RNF169: variants seen among roughly 807,000 people sequenced by gnomAD.
RNF169 encodes the protein ring finger protein 169, also known as E3 ubiquitin-protein ligase RNF169.
RNF169 carries 24 observed loss-of-function variants against 53.9 expected under a neutral mutation model. That is an observed-to-expected ratio of 0.45 (90% CI 0.32 to 0.63). RNF169 has a LOEUF of 0.63. RNF169 is among the 20% of genes least tolerant of loss of function. The probability of loss-of-function intolerance (pLI) is 0.04; values close to 1 mark genes in which losing one functional copy is unlikely to be tolerated. For missense variants in RNF169, 883 were observed against 906.2 expected, an observed-to-expected ratio of 0.97 and a Z score of 0.33; for synonymous variants, 396 against 363.5, an observed-to-expected ratio of 1.09 and a Z score of -1.02.
Position 74,837,069 on chromosome 11 carries a change from T to C in RNF169, c.*339T>C, listed in dbSNP as rs1447442368. 5.4e-6 allele frequency: 1 copy of C among 185,556 alleles called. No homozygotes were observed. The highest frequency in any genetic ancestry group is 1.1e-5 in the Non-Finnish European group (1 of 89,558). 11.5% of individuals were successfully genotyped at this position (185,556 alleles called of 1,614,324 possible). A position where few individuals can be genotyped will look rare whatever the true frequency, so the allele number is the denominator to read the frequency against. ...TTCTTAAACTGATAGACTTCCTGAC[T>C]TCTTTCAGCAGGGTATTGTTTTAAA... On this transcript the variant is annotated 3_prime_UTR_variant, in exon 6 of 6. Coordinates refer to ENST00000299563, the MANE Select transcript of RNF169 (RefSeq NM_001098638.2).
chr11:74,803,144 G>T (rs1048357808), intron 2 of RNF169, among the ~76,000 whole-genome samples: 3 of 148,694 alleles, frequency 2.0e-5, no homozygotes, highest in Non-Finnish European at 4.4e-5. Flanking sequence ...CTGGAGTGCA[G>T]TGGTGCAGTC....
At chr11:74,795,219 CTTT>C (rs71471318) in intron 2 of RNF169, among the ~76,000 whole-genome samples, 24,916 of 118,912 alleles carry the variant, frequency 0.21, 2,253 homozygotes, top group South Asian at 0.4. Flanking sequence ...TGTAGATACT[CTTT>C]TTTTTTTTTT....
rs1346676199 is a variant in RNF169, at chr11:74,785,198, A to ATATATATATATGATATATATATGT, written c.503-4418_503-4395dup. On this transcript the variant is annotated intron_variant, in intron 1 of 5. Transcript: ENST00000299563. ...GATATATATATATGATATATATATG[A>ATATATATATATGATATATATATGT]TATATATATATGATATATATATGTT... 8.8e-4 allele frequency among the ~76,000 whole-genome samples: 56 copies of ATATATATATATGATATATATATGT among 63,844 alleles called. No individual in the cohort carries two copies. The South Asian group carries it at 0.011, about 13-fold the overall frequency. The allele number at this position is 63,844 out of a possible 152,430, so 41.9% of individuals were successfully genotyped here.
In RNF169 at chr11:74,836,187, C is replaced by T. The variant is rs117602103; in HGVS notation, c.1584C>T (p.Thr528=). The change falls in exon 6 of 6, where the codon ACC becomes ACT. Residue 528 remains threonine (T), a synonymous_variant. Transcript: ENST00000299563. ...NKSSTEIPLE[T]CCSSELKGGG... is the part of the protein sequence containing the mutation. ...GTAGCACTGAGATCCCACTGGAAAC[C>T]TGCTGTTCCTCAGAACTCAAAGGGG... 24,674 of 1,614,186 alleles carry T rather than the reference C, an allele frequency of 0.015. 239 individuals carry two copies. The highest frequency in any genetic ancestry group is 0.017 in the Non-Finnish European group (20,447 of 1,180,016).
At position 74,841,107 on chromosome 11, in the gene RNF169, TAATTA is replaced by T. The variant is rs2036473274; in HGVS notation, c.*4382_*4386del. 6.6e-6 allele frequency: 1 copy of T among 152,202 alleles called. No individual in the cohort carries two copies. The highest frequency in any genetic ancestry group is 1.5e-5 in the Non-Finnish European group (1 of 68,034). The allele number at this position is 152,202 out of a possible 1,614,324, so 9.4% of individuals were successfully genotyped here. On this transcript the variant is annotated 3_prime_UTR_variant, in exon 6 of 6. Transcript: ENST00000299563. ...TGATATATTTTGATTGGAATAATTT[TAATTA>T]AATTTAATGATTTTAATTAAGAATT...
Position 74,838,659 on chromosome 11 carries a change from T to G in RNF169, c.*1929T>G, listed in dbSNP as rs2036293533. ...TGCAGATGTATGTTTTAAAAACATT[T>G]ACCAAACTCATGATTTTGTAGTCAC... On this transcript the variant is annotated 3_prime_UTR_variant, in exon 6 of 6. Coordinates refer to ENST00000299563, the MANE Select transcript of RNF169 (RefSeq NM_001098638.2). 6.6e-6 allele frequency: 1 copy of G among 152,260 alleles called. No individual in the cohort carries two copies. The highest frequency in any genetic ancestry group is 2.4e-5 in the African/African-American group (1 of 41,472). 9.4% of individuals were successfully genotyped at this position (152,260 alleles called of 1,614,324 possible). A position where few individuals can be genotyped will look rare whatever the true frequency, so the allele number is the denominator to read the frequency against.
Position 74,836,440 on chromosome 11 carries a change from G to A in RNF169, c.1837G>A (p.Glu613Lys), listed in dbSNP as rs753908528. The part of the protein sequence containing the change: ...NGVLVESLSE[E>K]PLPSLRRGRK... The stretch of plus-strand genomic sequence containing the variant: ...TGTTCTAGTTGAGAGCCTAAGTGAA[G>A]AGCCACTTCCTTCTTTGCGTCGAGG... Residue 613 changes from glutamate to lysine, a missense_variant, in exon 6 of 6, where the codon GAG becomes AAG. Physicochemically the swap from Glu to Lys is moderately conservative, Grantham distance 56. Coordinates refer to ENST00000299563, the MANE Select transcript of RNF169 (RefSeq NM_001098638.2). 3 of 1,614,228 alleles carry A rather than the reference G, an allele frequency of 1.9e-6. No individual in the cohort carries two copies. Among genetic ancestry groups the A allele is most frequent in the Non-Finnish European group, 1.7e-6 (2 of 1,180,044 alleles).
At chr11:74,801,925 C>T (rs1460790643) in intron 2 of RNF169, among the ~76,000 whole-genome samples, 2 of 152,054 alleles carry the variant, frequency 1.3e-5, no homozygotes, top group Non-Finnish European at 1.5e-5. Context: ...AACCGTTGGC[C>T]CAGAGATAAC....
chr11:74,813,206 G>T (rs1276489417), intron 3 of RNF169, among the ~76,000 whole-genome samples: 1 of 152,002 alleles, frequency 6.6e-6, no homozygotes, highest in African/African-American at 2.4e-5. Flanking sequence ...TTGTGTTTGT[G>T]TTTCTCTACT....
At chr11:74,822,380 G>A (rs895902240) in intron 4 of RNF169, among the ~76,000 whole-genome samples, 3 of 152,290 alleles carry the variant, frequency 2.0e-5, no homozygotes, top group African/African-American at 7.2e-5. Flanking sequence ...CTCATTGTGG[G>A]TGCGGGTATT....
chr11:74,791,372 A>C (rs1565178260), intron 2 of RNF169, among the ~76,000 whole-genome samples: 1 of 148,942 alleles, frequency 6.7e-6, no homozygotes, highest in Non-Finnish European at 1.5e-5. Context: ...CCCCAGCTTG[A>C]AGGTGGATCT....
chr11:74,778,997 A>T (rs1406986386), intron 1 of RNF169, among the ~76,000 whole-genome samples: 1 of 152,258 alleles, frequency 6.6e-6, no homozygotes, highest in Non-Finnish European at 1.5e-5. Context: ...CGTATTATTA[A>T]AAGTATACAA....
intron 4 of RNF169, among the ~76,000 whole-genome samples, chr11:74,827,955 T>G (rs189097938): frequency 9.9e-4 from 151 of 152,228 alleles, no homozygotes; most frequent in African/African-American, 3.3e-3. Context: ...CCACTCCTAT[T>G]CGCCATAGTA....
chr11:74,790,915 G>T (rs117345046), intron 2 of RNF169, among the ~76,000 whole-genome samples: 1 of 152,348 alleles, frequency 6.6e-6, no homozygotes, highest in South Asian at 2.1e-4. Context: ...CTCTTTTCTT[G>T]TTGCCCACAA....
intron 1 of RNF169, among the ~76,000 whole-genome samples, chr11:74,756,127 G>A (rs991444610): frequency 6.6e-6 from 1 of 152,084 alleles, no homozygotes; most frequent in Non-Finnish European, 1.5e-5. Context: ...CATTAATTTA[G>A]TAACCATTTG....
Position 74,817,540 on chromosome 11 carries a change from G to A in RNF169, c.724-56G>A, listed in dbSNP as rs192403047. On this transcript the variant is annotated intron_variant, in intron 3 of 5. Transcript: ENST00000299563. Reference sequence around the variant, plus strand: ...AAAGAGATTTGAACCTATAGCTAGAGTAGATGCCTTGGGAACTCCAAATGG... The same window carrying A: ...AAAGAGATTTGAACCTATAGCTAGAATAGATGCCTTGGGAACTCCAAATGG... 1.0e-5 allele frequency: 11 copies of A among 1,072,452 alleles called. No homozygotes were observed. In the Admixed American group the frequency reaches 1.4e-4, roughly 14 times the overall value. 66.4% of individuals were successfully genotyped at this position (1,072,452 alleles called of 1,614,324 possible). A position where few individuals can be genotyped will look rare whatever the true frequency, so the allele number is the denominator to read the frequency against.
rs112218561 is a variant in RNF169, at chr11:74,765,481, A to G, written c.502+16099A>G. 4.9e-3 allele frequency among the ~76,000 whole-genome samples: 748 copies of G among 152,294 alleles called. 5 individuals are homozygous for G. The highest frequency in any genetic ancestry group is 0.016 in the Admixed American group (247 of 15,290). On this transcript the variant is annotated intron_variant, in intron 1 of 5. Transcript: ENST00000299563. ...TCCAATCCATGTTTGGAAATTGAAA[A>G]AAACAAAATTTAAATAACGTGGGTA...
At position 74,835,809 on chromosome 11, in the gene RNF169, A is replaced by T; in HGVS notation, c.1206A>T (p.Leu402=). 6.2e-7 allele frequency: 1 copy of T among 1,614,116 alleles called. No individual in the cohort carries two copies. Among genetic ancestry groups the T allele is most frequent in the Non-Finnish European group, 8.5e-7 (1 of 1,179,984 alleles). ...AGAGACTCCCTGATGGCCGTGTGCT[A>T]AGTCCTCTCATCATCAAATCAACTC... ...PPKRLPDGRV[L]SPLIIKSTPR... is the part of the protein sequence containing the mutation. The change falls in exon 6 of 6, where the codon CTA becomes CTT. Residue 402 remains leucine, a synonymous_variant. Coordinates refer to ENST00000299563, the MANE Select transcript of RNF169 (RefSeq NM_001098638.2).
At chr11:74,787,098 T>C (rs190335520) in intron 1 of RNF169, among the ~76,000 whole-genome samples, 414 of 152,338 alleles carry the variant, frequency 2.7e-3, no homozygotes, top group African/African-American at 9.7e-3. Flanking sequence ...AAGAATCTTA[T>C]GCATTCTACC....
Sources: gnomAD v4.1 joint callset for allele counts (sites outside exome capture counted in the v4.1 genomes callset) on GRCh38, gnomAD v4.1.1 for gene constraint, MANE v1.5 for transcripts, NCBI Gene and HGNC (gene_info 2026-07-23, HGNC 2026-07-21) for gene names.